PTPRT: variants seen among roughly 807,000 people sequenced by gnomAD.
The protein encoded by PTPRT is protein tyrosine phosphatase receptor type T.
Under a neutral mutation model 176.8 loss-of-function variants are expected in PTPRT, and 56 were observed. That is an observed-to-expected ratio of 0.32 (90% CI 0.26 to 0.40). The LOEUF (loss-of-function observed/expected upper bound fraction) is 0.40. PTPRT is among the 10% of genes least tolerant of loss of function. The pLI is 1.00. For synonymous variants in PTPRT, 783 were observed against 739.0 expected, an observed-to-expected ratio of 1.06 and a Z score of -0.96; for missense variants, 1,540 against 1,908.2, an observed-to-expected ratio of 0.81 and a Z score of 3.60.
intron 1 of PTPRT, among the ~76,000 whole-genome samples, chr20:42,890,104 C>T (rs553405391): frequency 1.3e-5 from 2 of 152,272 alleles, no homozygotes; most frequent in African/African-American, 4.8e-5. Context: ...GGCTGAATGG[C>T]CAATTTCATG....
chr20:43,168,351 C>T (rs1194314790), intron 1 of PTPRT, among the ~76,000 whole-genome samples: 1 of 152,144 alleles, frequency 6.6e-6, no homozygotes, highest in Non-Finnish European at 1.5e-5. Context: ...ATGACAGCAC[C>T]TGGCCTGTCT....
At chr20:42,728,368 G>T (rs997939918) in intron 6 of PTPRT, among the ~76,000 whole-genome samples, 1 of 152,162 alleles carries the variant, frequency 6.6e-6, no homozygotes, top group African/African-American at 2.4e-5. Context: ...ATCACACTTT[G>T]AGTAGCAGTG....
At chr20:42,494,794 T>C (rs1048295102) in intron 7 of PTPRT, among the ~76,000 whole-genome samples, 3 of 152,168 alleles carry the variant, frequency 2.0e-5, no homozygotes, top group Non-Finnish European at 2.9e-5. Flanking sequence ...GACAGATGAA[T>C]GGATGGATGA....
Position 43,185,933 on chromosome 20 carries a change from A to G in PTPRT, c.88+3713T>C, listed in dbSNP as rs574557174. Reference sequence around the variant, plus strand: ...GGCAACAGAGTAAGACTGATCTCAAAAAAAAAAAAGGAAACTAAAAATCAT... The same window carrying G: ...GGCAACAGAGTAAGACTGATCTCAAGAAAAAAAAAGGAAACTAAAAATCAT... On this transcript the variant is annotated intron_variant, in intron 1 of 30. Transcript: ENST00000373187. Among the ~76,000 whole-genome samples the G allele has an allele frequency of 5.0e-3, 747 of 150,154 alleles. 4 individuals are homozygous for G. Among genetic ancestry groups the G allele is most frequent in the Non-Finnish European group, 8.5e-3 (572 of 67,218 alleles).
In PTPRT at chr20:42,077,482, C is replaced by T. The variant is rs1043031292; in HGVS notation, c.*3397G>A. On this transcript the variant is annotated 3_prime_UTR_variant, in exon 31 of 31. Transcript: ENST00000373187. Reference sequence around the variant, plus strand: ...AGCATTAATAATATTTTCCTCTGCTCATGACAGGCTGAGCTCACCCTGTAA... The same window carrying T: ...AGCATTAATAATATTTTCCTCTGCTTATGACAGGCTGAGCTCACCCTGTAA... The T allele has an allele frequency of 3.6e-5, 8 of 222,704 alleles. No individual in the cohort carries two copies. Among genetic ancestry groups the T allele is most frequent in the Non-Finnish European group, 5.4e-5 (6 of 111,426 alleles). The allele number at this position is 222,704 out of a possible 1,614,324, so 13.8% of individuals were successfully genotyped here. A position where few individuals can be genotyped will look rare whatever the true frequency, so the allele number is the denominator to read the frequency against.
At chr20:42,373,126 T>G (rs922344378) in intron 9 of PTPRT, among the ~76,000 whole-genome samples, 52 of 152,348 alleles carry the variant, frequency 3.4e-4, no homozygotes, top group African/African-American at 1.3e-3. Flanking sequence ...GGCTCTGCAG[T>G]ATACATTGCG....
At chr20:42,486,049 A>C (rs2071459108) in intron 7 of PTPRT, among the ~76,000 whole-genome samples, 1 of 152,172 alleles carries the variant, frequency 6.6e-6, no homozygotes, top group African/African-American at 2.4e-5. Context: ...TAGAAGACAC[A>C]TTATCTGACT....
At chr20:42,755,091 C>T (rs6016888) in intron 6 of PTPRT, among the ~76,000 whole-genome samples, 114,228 of 152,044 alleles carry the variant, frequency 0.75, 43,227 homozygotes, top group Non-Finnish European at 0.79. Flanking sequence ...TGAGAAGGAA[C>T]TGTGACCACC....
At chr20:42,431,798 T>C (rs559158263) in intron 9 of PTPRT, among the ~76,000 whole-genome samples, 219 of 152,316 alleles carry the variant, frequency 1.4e-3, no homozygotes, top group African/African-American at 5.0e-3. Context: ...GTTCTGCCCT[T>C]CAGTCATGAA....
chr20:42,126,881 C>T (rs1398636283), intron 19 of PTPRT, among the ~76,000 whole-genome samples: 1 of 152,216 alleles, frequency 6.6e-6, no homozygotes, highest in Non-Finnish European at 1.5e-5. Context: ...CTATTCAGAA[C>T]TGGCTGTCTC....
intron 9 of PTPRT, among the ~76,000 whole-genome samples, chr20:42,444,506 C>T (rs2059346293): frequency 6.6e-6 from 1 of 152,140 alleles, no homozygotes; most frequent in Non-Finnish European, 1.5e-5. Context: ...GAGGCTGTGA[C>T]TTGGACTTGT....
intron 1 of PTPRT, among the ~76,000 whole-genome samples, chr20:43,093,939 A>G (rs2011994773): frequency 6.6e-6 from 1 of 152,036 alleles, no homozygotes; most frequent in South Asian, 2.1e-4. Context: ...TTCAAGATTC[A>G]GCCTAAATTC....
At chr20:42,828,208 G>C (rs545062354) in intron 2 of PTPRT, among the ~76,000 whole-genome samples, 24 of 152,344 alleles carry the variant, frequency 1.6e-4, no homozygotes, top group African/African-American at 4.8e-4. Context: ...TGAGGAACTT[G>C]TTGGGAAGTG....
At chr20:42,618,850 G>T (rs2074132647) in intron 7 of PTPRT, among the ~76,000 whole-genome samples, 1 of 143,262 alleles carries the variant, frequency 7.0e-6, no homozygotes, top group Admixed American at 6.9e-5. Context: ...ACGTGAGATG[G>T]GTTTCCTGAA....
intron 7 of PTPRT, among the ~76,000 whole-genome samples, chr20:42,632,881 T>C (rs1340964635): frequency 6.6e-6 from 1 of 152,010 alleles, no homozygotes; most frequent in Non-Finnish European, 1.5e-5. Context: ...ACAAATCCTT[T>C]CTTGAAGGGA....
chr20:42,574,583 C>T (rs745807451), intron 7 of PTPRT, among the ~76,000 whole-genome samples: 4 of 152,070 alleles, frequency 2.6e-5, no homozygotes, highest in African/African-American at 9.7e-5. Context: ...AGAGGAAGAA[C>T]AAAGGGCAGT....
At chr20:42,993,454 GTATGTGTGTGTATATATATACACATA>G (rs1568722470) in intron 1 of PTPRT, among the ~76,000 whole-genome samples, 9 of 53,430 alleles carry the variant, frequency 1.7e-4, no homozygotes, top group African/African-American at 3.4e-4. Flanking sequence ...ATATATATAT[GTATGTGTGTGTATATATATACACATA>G]TATGTGTGTG....
At position 42,839,859 on chromosome 20, in the gene PTPRT, C is replaced by G. The variant is rs564667580; in HGVS notation, c.214+45948G>C. Reference sequence around the variant, plus strand: ...AAAATTCTAATAGCTGGGGTTTACCCGCTGAGATCCTAATGAAGTTAGACT... The same window carrying G: ...AAAATTCTAATAGCTGGGGTTTACCGGCTGAGATCCTAATGAAGTTAGACT... On this transcript the variant is annotated intron_variant, in intron 2 of 30. Coordinates refer to ENST00000373187, the MANE Select transcript of PTPRT (RefSeq NM_007050.6). 4.6e-5 allele frequency among the ~76,000 whole-genome samples: 7 copies of G among 152,192 alleles called. No homozygotes were observed. In the East Asian group the frequency reaches 1.2e-3, roughly 25 times the overall value.
At chr20:42,362,802 A>G (rs2058448046) in intron 9 of PTPRT, among the ~76,000 whole-genome samples, 1 of 152,166 alleles carries the variant, frequency 6.6e-6, no homozygotes, top group South Asian at 2.1e-4. Context: ...TAAGTCTAAA[A>G]TTATTTTAAA....
Sources: gnomAD v4.1 joint callset for allele counts (sites outside exome capture counted in the v4.1 genomes callset) on GRCh38, gnomAD v4.1.1 for gene constraint, MANE v1.5 for transcripts, NCBI Gene and HGNC (gene_info 2026-07-23, HGNC 2026-07-21) for gene names.